GHR: variants seen among roughly 807,000 people sequenced by gnomAD.
GHR encodes GH receptor.
A neutral mutation model predicts 67.1 loss-of-function variants in GHR; 35 were observed. The ratio of observed to expected loss-of-function variants is 0.52; its 90% CI spans 0.40 to 0.69. The LOEUF (loss-of-function observed/expected upper bound fraction) is 0.69. GHR is among the 30% of genes least tolerant of loss of function. The probability of loss-of-function intolerance (pLI) is 0.00; values close to 1 mark genes in which losing one functional copy is unlikely to be tolerated. For missense variants in GHR, 792 were observed against 764.6 expected, an observed-to-expected ratio of 1.04 and a Z score of -0.42; for synonymous variants, 272 against 269.1, an observed-to-expected ratio of 1.01 and a Z score of -0.10.
chr5:42,506,819 C>T (rs1472769628), intron 1 of GHR, among the ~76,000 whole-genome samples: 2 of 152,104 alleles, frequency 1.3e-5, no homozygotes, highest in African/African-American at 4.8e-5. Context: ...TTTTCTCAGA[C>T]TTTCAAAATC....
At chr5:42,455,397 C>G (rs888213783) in intron 1 of GHR, among the ~76,000 whole-genome samples, 3 of 152,138 alleles carry the variant, frequency 2.0e-5, no homozygotes, top group African/African-American at 7.2e-5. Flanking sequence ...TGTATGTTAG[C>G]CCTGCCTGCT....
chr5:42,546,726 T>TGA (rs542171200), intron 1 of GHR, among the ~76,000 whole-genome samples: 361 of 152,144 alleles, frequency 2.4e-3, no homozygotes, highest in African/African-American at 8.1e-3. Context: ...TATTTGTGTG[T>TGA]GAGAGAGAGA....
chr5:42,564,144 T>A (rs1224258536), intron 1 of GHR, among the ~76,000 whole-genome samples: 3 of 148,862 alleles, frequency 2.0e-5, no homozygotes, highest in Non-Finnish European at 4.5e-5. Context: ...GAGATTTATT[T>A]GAAATCTCAC....
chr5:42,711,257 T>C lies in GHR; in HGVS notation c.669T>C (p.Asp223=), dbSNP rs754458820. The C allele has an allele frequency of 6.2e-7, 1 of 1,612,968 alleles. No individual in the cohort carries two copies. The highest frequency in any genetic ancestry group is 1.1e-5 in the South Asian group (1 of 91,062). The part of the protein sequence containing the change: ...TSVPVYSLKV[D]KEYEVRVRSK... ...TTCCAGTGTACTCATTGAAAGTGGA[T>C]AAGGAATATGAAGTGCGTGTGAGAT... is the stretch of plus-strand genomic sequence containing the variant. The change falls in exon 7 of 10, where the codon GAT becomes GAC. Residue 223 remains aspartate (D), a synonymous_variant. Transcript: ENST00000230882.
intron 4 of GHR, among the ~76,000 whole-genome samples, chr5:42,693,484 G>T (rs574334622): frequency 6.6e-6 from 1 of 152,038 alleles, no homozygotes; most frequent in Non-Finnish European, 1.5e-5. Context: ...GCAATTCACT[G>T]TCTCAGACCC....
chr5:42,618,250 A>C (rs2112701806), intron 2 of GHR, among the ~76,000 whole-genome samples: 1 of 152,206 alleles, frequency 6.6e-6, no homozygotes, highest in African/African-American at 2.4e-5. Context: ...TGTTGGCCAA[A>C]AGAGAGTGTC....
At position 42,427,787 on chromosome 5, in the gene GHR, G is replaced by A. The variant is rs376100067; in HGVS notation, c.-12+3832G>A. ...GGAGGTACAGGCATTGTGTAAATAT[G>A]CCCATTCCAAATGGGAGAAATTGGC... On this transcript the variant is annotated intron_variant, in intron 1 of 9. Transcript: ENST00000230882. Among the ~76,000 whole-genome samples the A allele has an allele frequency of 3.9e-5, 6 of 152,290 alleles. No homozygotes were observed. The South Asian group carries it at 6.2e-4, about 16-fold the overall frequency.
intron 3 of GHR, among the ~76,000 whole-genome samples, chr5:42,674,442 A>G (rs1756470681): frequency 6.6e-6 from 1 of 152,174 alleles, no homozygotes; most frequent in Non-Finnish European, 1.5e-5. Context: ...AATCACTACT[A>G]TCTAACTCTA....
At chr5:42,429,810 A>G (rs998471339) in intron 1 of GHR, among the ~76,000 whole-genome samples, 1 of 152,232 alleles carries the variant, frequency 6.6e-6, no homozygotes, top group Non-Finnish European at 1.5e-5. Flanking sequence ...ATAGACAGGT[A>G]GGGACTATGA....
intron 4 of GHR, among the ~76,000 whole-genome samples, chr5:42,692,070 T>C (rs1486568027): frequency 6.6e-6 from 1 of 152,190 alleles, no homozygotes; most frequent in African/African-American, 2.4e-5. Context: ...TACCCTGGTC[T>C]TAAGAGAAAT....
chr5:42,507,881 C>G (rs1205471481), intron 1 of GHR, among the ~76,000 whole-genome samples: 3 of 152,156 alleles, frequency 2.0e-5, no homozygotes, highest in Non-Finnish European at 2.9e-5. Flanking sequence ...TTGTTCAAAC[C>G]CAGTAGGAAG....
At chr5:42,700,745 A>G (rs1188266959) in intron 6 of GHR, among the ~76,000 whole-genome samples, 2 of 152,206 alleles carry the variant, frequency 1.3e-5, no homozygotes, top group Non-Finnish European at 2.9e-5. Flanking sequence ...GGTGATGCCC[A>G]GCAGCCTGGC....
chr5:42,434,305 T>C (rs975310866), intron 1 of GHR, among the ~76,000 whole-genome samples: 1 of 152,126 alleles, frequency 6.6e-6, no homozygotes, highest in Admixed American at 6.5e-5. Context: ...TGCTAGGTAG[T>C]GCATAGGGAC....
At chr5:42,711,182 ATG>A in intron 6 of GHR, 23 bp from the exon 7 acceptor site, 3 of 1,593,334 alleles carry the variant, frequency 1.9e-6, no homozygotes, top group Non-Finnish European at 2.6e-6. Flanking sequence ...TTTGGCCAAT[ATG>A]CGTTTATATT....
At chr5:42,571,565 C>A (rs555928998) in intron 2 of GHR, among the ~76,000 whole-genome samples, 1 of 152,250 alleles carries the variant, frequency 6.6e-6, no homozygotes, top group South Asian at 2.1e-4. Context: ...TAGGCTCCCA[C>A]GGAAAATGAG....
intron 2 of GHR, among the ~76,000 whole-genome samples, chr5:42,577,212 G>T (rs1750796807): frequency 6.6e-6 from 1 of 152,118 alleles, no homozygotes; most frequent in Non-Finnish European, 1.5e-5. Flanking sequence ...ATCATACACA[G>T]TTTCCACATG....
intron 3 of GHR, among the ~76,000 whole-genome samples, chr5:42,675,814 C>A (rs572180529): frequency 6.6e-6 from 1 of 152,272 alleles, no homozygotes; most frequent in East Asian, 1.9e-4. Flanking sequence ...CCTGCCAAAC[C>A]ACAGTACTAT....
intron 1 of GHR, among the ~76,000 whole-genome samples, chr5:42,537,396 T>G (rs535518266): frequency 5.3e-5 from 8 of 152,316 alleles, no homozygotes; most frequent in Non-Finnish European, 1.0e-4. Context: ...TTAACTTCCA[T>G]CTTGACTTCA....
intron 1 of GHR, among the ~76,000 whole-genome samples, chr5:42,536,097 TATC>T (rs1240026572): frequency 6.6e-6 from 1 of 152,106 alleles, no homozygotes. Flanking sequence ...TAAATGATCA[TATC>T]ATCAGCAGAC....
Sources: gnomAD v4.1 joint callset for allele counts (sites outside exome capture counted in the v4.1 genomes callset) on GRCh38, gnomAD v4.1.1 for gene constraint, MANE v1.5 for transcripts, NCBI Gene and HGNC (gene_info 2026-07-23, HGNC 2026-07-21) for gene names.